CACNA2D3: variants seen among roughly 807,000 people sequenced by gnomAD.
CACNA2D3 encodes voltage-dependent calcium channel subunit alpha-2/delta-3.
CACNA2D3 carries 60 observed loss-of-function variants against 160.6 expected under a neutral mutation model. The ratio of observed to expected loss-of-function variants is 0.37; its 90% confidence interval spans 0.30 to 0.46. The LOEUF is 0.46. Among genes scored for constraint, CACNA2D3 ranks in the 20% least tolerant of loss-of-function variants. The pLI is 1.00. For synonymous variants in CACNA2D3, 558 were observed against 492.9 expected (o/e 1.13, Z -1.75); for missense variants, 1,205 against 1,365.0 (o/e 0.88, Z 1.85).
chr3:54,622,362 G>A (rs111348129), intron 9 of CACNA2D3, among the ~76,000 whole-genome samples: 3,887 of 152,236 alleles, frequency 0.026, 148 homozygotes, highest in African/African-American at 0.088. Flanking sequence ...TGCAAGCTCT[G>A]CCTCCCGGGT....
intron 31 of CACNA2D3, among the ~76,000 whole-genome samples, chr3:55,002,888 T>G (rs961424988): frequency 1.3e-5 from 2 of 152,226 alleles, no homozygotes; most frequent in Non-Finnish European, 2.9e-5. Context: ...CGTAAGTTAC[T>G]GTCCAGATAA....
At chr3:54,369,001 G>A (rs1433355266) in intron 3 of CACNA2D3, among the ~76,000 whole-genome samples, 2 of 151,764 alleles carry the variant, frequency 1.3e-5, no homozygotes, top group South Asian at 2.1e-4. Context: ...GCGTCCGGCC[G>A]GCAGTAGGGT....
chr3:54,210,151 G>T (rs1484718252), intron 2 of CACNA2D3, among the ~76,000 whole-genome samples: 2 of 152,158 alleles, frequency 1.3e-5, no homozygotes, highest in African/African-American at 4.8e-5. Context: ...AAAAAGTAGA[G>T]CAGTAAGGAG....
In CACNA2D3 at chr3:55,004,893, G is replaced by C. The variant is rs1465821547; in HGVS notation, c.2766+55G>C. 4.1e-6 allele frequency: 5 copies of C among 1,230,802 alleles called. No homozygotes were observed. The East Asian group carries it at 1.2e-4, about 29-fold the overall frequency. 76.2% of individuals were successfully genotyped at this position (1,230,802 alleles called of 1,614,324 possible). A position where few individuals can be genotyped will look rare whatever the true frequency, so the allele number is the denominator to read the frequency against. On this transcript the variant is annotated intron_variant, in intron 32 of 37. Coordinates refer to ENST00000474759, the MANE Select transcript of CACNA2D3 (RefSeq NM_018398.3). ...GCCACACATTTCTGTCTTTCTCCCT[G>C]TCTGAGTGTTATCTTCCTCTTTGGA... is the stretch of plus-strand genomic sequence containing the variant.
At chr3:55,061,772 C>T (rs915161173) in intron 35 of CACNA2D3, among the ~76,000 whole-genome samples, 6 of 152,328 alleles carry the variant, frequency 3.9e-5, no homozygotes, top group African/African-American at 1.4e-4. Flanking sequence ...GTACCCATCT[C>T]TGAACCCATT....
At chr3:54,473,152 C>A (rs112132055) in intron 4 of CACNA2D3, among the ~76,000 whole-genome samples, 2 of 152,134 alleles carry the variant, frequency 1.3e-5, no homozygotes, top group African/African-American at 4.8e-5. Context: ...ACTACAGTAA[C>A]CAAAACAGCA....
intron 27 of CACNA2D3, chr3:54,924,737 A>T (rs1157915829): frequency 6.2e-7 from 1 of 1,614,162 alleles, no homozygotes; most frequent in Non-Finnish European, 8.5e-7. Flanking sequence ...GGAGCGCTCG[A>T]TCAAGCTGCT....
intron 5 of CACNA2D3, among the ~76,000 whole-genome samples, chr3:54,532,727 A>G (rs148949197): frequency 7.9e-5 from 12 of 152,262 alleles, no homozygotes; most frequent in African/African-American, 2.6e-4. Flanking sequence ...TTGATTCCAT[A>G]TCTTTGTTAT....
At chr3:54,807,504 G>C (rs1166947917) in intron 13 of CACNA2D3, among the ~76,000 whole-genome samples, 1 of 152,084 alleles carries the variant, frequency 6.6e-6, no homozygotes, top group Non-Finnish European at 1.5e-5. Flanking sequence ...ACCACAATGA[G>C]ATACCATCTC....
chr3:54,186,571 C>A (rs1348997367), intron 2 of CACNA2D3, among the ~76,000 whole-genome samples: 1 of 152,048 alleles, frequency 6.6e-6, no homozygotes, highest in Non-Finnish European at 1.5e-5. Flanking sequence ...ACCTTTTTCT[C>A]TTTTCACCCA....
chr3:54,317,594 A>G (rs1187138828), intron 2 of CACNA2D3, among the ~76,000 whole-genome samples: 1 of 152,030 alleles, frequency 6.6e-6, no homozygotes, highest in Admixed American at 6.6e-5. Flanking sequence ...CTGGAGTGCA[A>G]TGGCGCGATC....
intron 5 of CACNA2D3, among the ~76,000 whole-genome samples, chr3:54,528,460 C>G (rs1701758504): frequency 6.6e-6 from 1 of 151,276 alleles, no homozygotes; most frequent in African/African-American, 2.4e-5. Flanking sequence ...ATTCTAACCA[C>G]AACTTGGATG....
intron 11 of CACNA2D3, among the ~76,000 whole-genome samples, chr3:54,746,640 A>G (rs7626562): frequency 0.037 from 5,659 of 152,300 alleles, 351 homozygotes; most frequent in African/African-American, 0.13. Flanking sequence ...AATAATTCAT[A>G]TAACTTGCTT....
intron 2 of CACNA2D3, among the ~76,000 whole-genome samples, chr3:54,209,837 C>G (rs2107360903): frequency 6.6e-6 from 1 of 152,272 alleles, no homozygotes; most frequent in African/African-American, 2.4e-5. Flanking sequence ...TTTCTGTGCT[C>G]TTTTTGCCAC....
At chr3:54,657,599 A>G (rs900605654) in intron 11 of CACNA2D3, among the ~76,000 whole-genome samples, 3 of 152,174 alleles carry the variant, frequency 2.0e-5, no homozygotes, top group African/African-American at 7.2e-5. Flanking sequence ...ACTATTTTAG[A>G]TGCCAGGTAG....
intron 2 of CACNA2D3, among the ~76,000 whole-genome samples, chr3:54,173,774 G>A (rs958891186): frequency 2.6e-5 from 4 of 152,202 alleles, no homozygotes; most frequent in Admixed American, 6.5e-5. Context: ...CAGGCTTTGA[G>A]TCTTTACTGA....
At chr3:54,668,624 C>T (rs1700109096) in intron 11 of CACNA2D3, among the ~76,000 whole-genome samples, 1 of 152,198 alleles carries the variant, frequency 6.6e-6, no homozygotes, top group Non-Finnish European at 1.5e-5. Context: ...TCATCCATTC[C>T]TTCTGGTGTT....
At chr3:54,702,327 G>A (rs1700782817) in intron 11 of CACNA2D3, among the ~76,000 whole-genome samples, 3 of 152,062 alleles carry the variant, frequency 2.0e-5, no homozygotes, top group Admixed American at 6.6e-5. Context: ...CAGACAGAAT[G>A]GGAGAAAATA....
chr3:54,738,948 C>T (rs776256453), intron 11 of CACNA2D3, among the ~76,000 whole-genome samples: 5 of 152,104 alleles, frequency 3.3e-5, no homozygotes, highest in African/African-American at 4.8e-5. Flanking sequence ...AGTTTAAGAC[C>T]AGCCTAGGCA....
Sources: allele counts gnomAD v4.1 joint callset (sites outside exome capture counted in the v4.1 genomes callset), GRCh38; gene constraint gnomAD v4.1.1; transcripts MANE v1.5; gene names NCBI Gene and HGNC (gene_info 2026-07-23, HGNC 2026-07-21).